ADCY2: variants seen among roughly 807,000 people sequenced by gnomAD.
The protein encoded by ADCY2 is adenylate cyclase 2.
In ADCY2, 31 loss-of-function variants were observed where a neutral mutation model predicts 125.2. That is an observed-to-expected ratio of 0.25 (90% CI 0.19 to 0.33). The LOEUF (loss-of-function observed/expected upper bound fraction) is 0.33. Among genes scored for constraint, ADCY2 ranks in the 10% least tolerant of loss-of-function variants. The probability of loss-of-function intolerance (pLI) is 1.00; values close to 1 mark genes in which losing one functional copy is unlikely to be tolerated. For missense variants in ADCY2, 904 were observed against 1,418.2 expected (o/e 0.64, Z 5.82); for synonymous variants, 512 against 548.4 (o/e 0.93, Z 0.93).
chr5:7,674,379 C>T (rs532086356), intron 4 of ADCY2, among the ~76,000 whole-genome samples: 3 of 152,192 alleles, frequency 2.0e-5, no homozygotes, highest in African/African-American at 7.2e-5. Context: ...GCGGGGAGGG[C>T]GCCCACAGGA....
chr5:7,817,399 CA>C (rs1299970692), intron 23 of ADCY2, among the ~76,000 whole-genome samples: 1 of 152,136 alleles, frequency 6.6e-6, no homozygotes, highest in African/African-American at 2.4e-5. Context: ...TGTTGCAATA[CA>C]GTTCCATCTT....
intron 2 of ADCY2, among the ~76,000 whole-genome samples, chr5:7,415,087 T>C (rs1739887665): frequency 6.6e-6 from 1 of 152,196 alleles, no homozygotes; most frequent in African/African-American, 2.4e-5. Context: ...AATATAAAAT[T>C]AAATCTAATT....
chr5:7,789,500 G>A, intron 19 of ADCY2, 142 bp from the exon 20 acceptor site: 4 of 739,790 alleles, frequency 5.4e-6, no homozygotes, highest in Admixed American at 3.0e-5. Flanking sequence ...GACACAGAGG[G>A]CTTTATGGGG....
chr5:7,818,955 A>G (rs949889625), intron 23 of ADCY2, among the ~76,000 whole-genome samples: 3 of 152,210 alleles, frequency 2.0e-5, no homozygotes, highest in African/African-American at 4.8e-5. Flanking sequence ...AACTCACACA[A>G]TCACAAGGCG....
chr5:7,617,748 C>T (rs1216383176), intron 3 of ADCY2, among the ~76,000 whole-genome samples: 3 of 152,082 alleles, frequency 2.0e-5, no homozygotes, highest in Non-Finnish European at 4.4e-5. Flanking sequence ...AAAACATACA[C>T]CAGGAGAGGA....
chr5:7,793,356 C>A lies in ADCY2; in HGVS notation c.2628+3556C>A, dbSNP rs185272245. Reference sequence around the variant, plus strand: ...ATCCCAGCTAGTAAGGAGACTGAGGCAGGAGAATCGCACCAACCCAGGAGG... The same window carrying A: ...ATCCCAGCTAGTAAGGAGACTGAGGAAGGAGAATCGCACCAACCCAGGAGG... On this transcript the variant is annotated intron_variant, in intron 20 of 24. Coordinates refer to ENST00000338316, the MANE Select transcript of ADCY2 (RefSeq NM_020546.3). Among the ~76,000 whole-genome samples, 12 of 152,320 alleles carry A rather than the reference C, an allele frequency of 7.9e-5. No homozygotes were observed. The East Asian group carries it at 2.3e-3, about 29-fold the overall frequency.
intron 17 of ADCY2, among the ~76,000 whole-genome samples, chr5:7,767,427 T>C (rs1442845813): frequency 1.3e-5 from 2 of 152,198 alleles, no homozygotes; most frequent in African/African-American, 2.4e-5. Flanking sequence ...AAAAAAAGTT[T>C]TGCTACTCTC....
At chr5:7,650,048 G>A (rs1739034355) in intron 4 of ADCY2, among the ~76,000 whole-genome samples, 1 of 152,064 alleles carries the variant, frequency 6.6e-6, no homozygotes, top group African/African-American at 2.4e-5. Flanking sequence ...CTGGACCTCA[G>A]CACTCACTGA....
At chr5:7,554,969 C>T (rs904708742) in intron 3 of ADCY2, among the ~76,000 whole-genome samples, 1 of 152,182 alleles carries the variant, frequency 6.6e-6, no homozygotes, top group African/African-American at 2.4e-5. Flanking sequence ...TCCTTTCCAC[C>T]TCCCCACAAG....
intron 4 of ADCY2, among the ~76,000 whole-genome samples, chr5:7,655,071 T>A (rs1415980146): frequency 6.6e-6 from 1 of 152,142 alleles, no homozygotes; most frequent in Non-Finnish European, 1.5e-5. Flanking sequence ...TTGGGGTGGA[T>A]GGCTCCCAAG....
chr5:7,440,917 T>C (rs1740989856), intron 2 of ADCY2, among the ~76,000 whole-genome samples: 1 of 152,096 alleles, frequency 6.6e-6, no homozygotes. Flanking sequence ...AACAGCCCTT[T>C]GAGGTAGAAG....
At chr5:7,678,331 C>T (rs555879965) in intron 4 of ADCY2, among the ~76,000 whole-genome samples, 3 of 152,110 alleles carry the variant, frequency 2.0e-5, no homozygotes, top group South Asian at 2.1e-4. Flanking sequence ...TTAACATGAG[C>T]GCTTGGACTT....
intron 2 of ADCY2, among the ~76,000 whole-genome samples, chr5:7,456,160 G>A (rs1741660413): frequency 6.6e-6 from 1 of 151,852 alleles, no homozygotes; most frequent in African/African-American, 2.4e-5. Flanking sequence ...ATTTAAAATT[G>A]CCTTAAATTG....
At position 7,468,887 on chromosome 5, in the gene ADCY2, C is replaced by T. The variant is rs17228963; in HGVS notation, c.409-51851C>T. 7.7e-3 allele frequency among the ~76,000 whole-genome samples: 1,170 copies of T among 152,082 alleles called. 7 individuals carry two copies. The highest frequency in any genetic ancestry group is 0.021 in the South Asian group (101 of 4,828). ...AAAAAATGTTTGAGTAGTTCATGTC[C>T]GGGAAAAGTTATGATGTAATTTTTC... On this transcript the variant is annotated intron_variant, in intron 2 of 24. Transcript: ENST00000338316.
At chr5:7,547,719 G>A (rs1735193257) in intron 3 of ADCY2, among the ~76,000 whole-genome samples, 1 of 152,240 alleles carries the variant, frequency 6.6e-6, no homozygotes, top group South Asian at 2.1e-4. Context: ...GTGAGTAGAT[G>A]TGTCAGCAGG....
chr5:7,402,534 A>T (rs1739302651), intron 1 of ADCY2, among the ~76,000 whole-genome samples: 1 of 152,192 alleles, frequency 6.6e-6, no homozygotes, highest in South Asian at 2.1e-4. Context: ...CCTCAACCGA[A>T]AAAACCATTG....
Position 7,804,688 on chromosome 5 carries a change from C to A in ADCY2, c.2879C>A (p.Ser960Tyr). Residue 960 changes from serine (S) to tyrosine (Y), a missense_variant, in exon 22 of 25, where the codon TCC becomes TAC. Coordinates refer to ENST00000338316, the MANE Select transcript of ADCY2 (RefSeq NM_020546.3). ...AGCGCTGTGCCCAGCCAGGAGCACT[C>A]CCAGGTAAGACGCGTTGGCCACTTA... ...GLSAVPSQEH[S>Y]QEPERQYMHI... The A allele has an allele frequency of 1.6e-5, 26 of 1,613,622 alleles. No individual in the cohort carries two copies. Among genetic ancestry groups the A allele is most frequent in the Non-Finnish European group, 2.2e-5 (26 of 1,179,554 alleles).
intron 4 of ADCY2, among the ~76,000 whole-genome samples, chr5:7,666,606 G>C (rs1739764761): frequency 6.6e-6 from 1 of 152,196 alleles, no homozygotes; most frequent in Non-Finnish European, 1.5e-5. Flanking sequence ...ATGATACTGA[G>C]ATTCCCATAC....
At chr5:7,755,464 T>C (rs747889204) in intron 15 of ADCY2, among the ~76,000 whole-genome samples, 1 of 151,904 alleles carries the variant, frequency 6.6e-6, no homozygotes, top group Non-Finnish European at 1.5e-5. Flanking sequence ...GTTGTTTACA[T>C]AGATATAAAG....
Sources: gnomAD v4.1 joint callset for allele counts (sites outside exome capture counted in the v4.1 genomes callset) on GRCh38, gnomAD v4.1.1 for gene constraint, MANE v1.5 for transcripts, NCBI Gene and HGNC (gene_info 2026-07-23, HGNC 2026-07-21) for gene names.